ESRRG: variants seen among roughly 807,000 people sequenced by gnomAD.
The protein encoded by ESRRG is estrogen related receptor gamma, also known as estrogen-related receptor gamma.
Under a neutral mutation model 44.0 loss-of-function variants are expected in ESRRG, and 13 were observed. That is an observed-to-expected ratio of 0.30 (90% CI 0.19 to 0.47). The LOEUF is 0.47. Ranked by LOEUF, ESRRG falls within the 20% of genes least tolerant of loss-of-function variation. The pLI, the probability that ESRRG is intolerant of heterozygous loss-of-function variation, is 1.00. For missense variants in ESRRG, 395 were observed against 580.6 expected, an observed-to-expected ratio of 0.68 and a Z score of 3.29; for synonymous variants, 215 against 214.6, an observed-to-expected ratio of 1.00 and a Z score of -0.02.
At position 216,792,403 on chromosome 1, in the gene ESRRG, T is replaced by G. The variant is rs191940244; in HGVS notation, c.-13-114912A>C. Among the ~76,000 whole-genome samples, 209 of 152,296 alleles carry G rather than the reference T, an allele frequency of 1.4e-3. 2 individuals carry two copies. The highest frequency in any genetic ancestry group is 0.012 in the Admixed American group (184 of 15,278). On this transcript the variant is annotated intron_variant, in intron 2 of 7. Coordinates refer to the ESRRG transcript ENST00000359162. ...TCTCTATATATTTCCAGGGTTTTTT[T>G]TGCCAGGTTAAAGCAGGGGAAGGCC... is the stretch of plus-strand genomic sequence containing the variant.
intron 2 of ESRRG, among the ~76,000 whole-genome samples, chr1:216,921,900 T>C (rs1336044343): frequency 6.6e-6 from 1 of 152,200 alleles, no homozygotes; most frequent in Non-Finnish European, 1.5e-5. Context: ...TCAAATGGCA[T>C]GCTATCTATA....
intron 5 of ESRRG, among the ~76,000 whole-genome samples, chr1:216,555,869 G>T (rs79010817): frequency 6.6e-6 from 1 of 152,036 alleles, no homozygotes; most frequent in Non-Finnish European, 1.5e-5. Flanking sequence ...GGATAGACAC[G>T]CATTCATTTG....
At chr1:216,550,585 C>A (rs576236616) in intron 5 of ESRRG, among the ~76,000 whole-genome samples, 2 of 152,194 alleles carry the variant, frequency 1.3e-5, no homozygotes, top group African/African-American at 2.4e-5. Context: ...GGATAACAAG[C>A]CAAGTATGGA....
chr1:217,018,935 A>T (rs541068776), intron 1 of ESRRG, among the ~76,000 whole-genome samples: 1 of 152,302 alleles, frequency 6.6e-6, no homozygotes, highest in Non-Finnish European at 1.5e-5. Context: ...TCCCTGGTAC[A>T]GCAAACTGGC....
intron 1 of ESRRG, among the ~76,000 whole-genome samples, chr1:216,996,044 A>G (rs78780435): frequency 6.6e-6 from 1 of 152,166 alleles, no homozygotes; most frequent in Non-Finnish European, 1.5e-5. Context: ...CAAAAAAAAA[A>G]TTAAGGGCAG....
Position 217,026,908 on chromosome 1 carries a change from C to CAGAG in ESRRG, c.-106+62598_-106+62599insCTCT, listed in dbSNP as rs1254896528. On this transcript the variant is annotated intron_variant, in intron 1 of 7. Transcript: ENST00000359162. ...ACACATACACACACACACACACACA[C>CAGAG]ACACAGAGAGAGAGAGAGAGAGAGA... Among the ~76,000 whole-genome samples the CAGAG allele has an allele frequency of 8.7e-3, 790 of 90,626 alleles. 19 individuals carry two copies. The East Asian group carries it at 0.12, about 14-fold the overall frequency. The allele number at this position is 90,626 out of a possible 152,430, so 59.5% of individuals were successfully genotyped here. A position where few individuals can be genotyped will look rare whatever the true frequency, so the allele number is the denominator to read the frequency against.
intron 5 of ESRRG, among the ~76,000 whole-genome samples, chr1:216,559,854 T>A (rs2058372637): frequency 6.6e-6 from 1 of 152,168 alleles, no homozygotes; most frequent in Non-Finnish European, 1.5e-5. Context: ...TCAAGCAGTA[T>A]CTTTAGCAAT....
intron 2 of ESRRG, among the ~76,000 whole-genome samples, chr1:216,927,214 G>T (rs552213170): frequency 2.7e-4 from 41 of 152,168 alleles, no homozygotes; most frequent in Admixed American, 1.3e-4. Flanking sequence ...CTCTTCAAAG[G>T]CTCGATTTTT....
At chr1:217,081,239 T>G (rs2091745630) in intron 1 of ESRRG, among the ~76,000 whole-genome samples, 2 of 139,260 alleles carry the variant, frequency 1.4e-5, no homozygotes, top group Non-Finnish European at 1.5e-5. Flanking sequence ...TTTTTTTTTT[T>G]TTTTTGAGAC....
rs542727407 is a variant in ESRRG at position 217,125,457 on chromosome 1, A to T, written c.-230+12210T>A. 5.9e-5 allele frequency among the ~76,000 whole-genome samples: 9 copies of T among 152,354 alleles called. No individual in the cohort carries two copies. In the South Asian group the frequency reaches 1.5e-3, roughly 25 times the overall value. ...GTATTTGTCTACAAGAAAAATCTTCAGACAAAACACTTGTTGACATCTTCC... is the reference window on the plus strand; with the variant it reads ...GTATTTGTCTACAAGAAAAATCTTCTGACAAAACACTTGTTGACATCTTCC... On this transcript the variant is annotated intron_variant, in intron 1 of 8. Transcript: ENST00000366940.
chr1:216,965,916 G>A (rs1344969591), intron 1 of ESRRG, among the ~76,000 whole-genome samples: 1 of 152,150 alleles, frequency 6.6e-6, no homozygotes, highest in Non-Finnish European at 1.5e-5. Flanking sequence ...AAAGCTCAAT[G>A]TACTAACAAA....
chr1:216,762,124 T>A (rs2152346083), intron 2 of ESRRG, among the ~76,000 whole-genome samples: 1 of 152,256 alleles, frequency 6.6e-6, no homozygotes, highest in South Asian at 2.1e-4. Context: ...CTGTGTAAAT[T>A]GCCCAAGGCT....
At chr1:216,532,022 GA>G (rs1369839691) in intron 5 of ESRRG, among the ~76,000 whole-genome samples, 2 of 151,950 alleles carry the variant, frequency 1.3e-5, no homozygotes, top group Non-Finnish European at 2.9e-5. Context: ...ACCATATTTG[GA>G]AGTTGTCCTG....
intron 2 of ESRRG, among the ~76,000 whole-genome samples, chr1:216,883,779 A>G (rs2096482669): frequency 6.6e-6 from 1 of 152,196 alleles, no homozygotes; most frequent in Non-Finnish European, 1.5e-5. Context: ...CCAGGTAGTT[A>G]CTGTGAAGAA....
chr1:216,983,047 T>A (rs985450552), intron 1 of ESRRG, among the ~76,000 whole-genome samples: 1 of 151,762 alleles, frequency 6.6e-6, no homozygotes. Context: ...TTTTTTTTTT[T>A]TTTTTAACTG....
In ESRRG at chr1:216,836,720, C is replaced by T. The variant is rs79938739; in HGVS notation, c.-14+102862G>A. Among the ~76,000 whole-genome samples the T allele has an allele frequency of 2.7e-3, 410 of 152,192 alleles. 2 individuals carry two copies. The highest frequency in any genetic ancestry group is 9.1e-3 in the African/African-American group (378 of 41,530). On this transcript the variant is annotated intron_variant, in intron 2 of 7. Transcript: ENST00000359162. ...GCAGTGGCTCCACAATGAGTCGTGG[C>T]GGCAGAGTGAGCCCAGCATGCAAAC...
In ESRRG at chr1:216,788,402, A is replaced by G. The variant is rs117030953; in HGVS notation, c.-13-110911T>C. On this transcript the variant is annotated intron_variant, in intron 2 of 7. Coordinates refer to the ESRRG transcript ENST00000359162. ...CCTAAATCTACTCTTCCTATATTCT[A>G]TCAGTGCAACAACAAAGCCTGGATG... is the stretch of plus-strand genomic sequence containing the variant. Among the ~76,000 whole-genome samples, 115 of 152,250 alleles carry G rather than the reference A, an allele frequency of 7.6e-4. No homozygotes were observed. The East Asian group carries it at 0.017, about 23-fold the overall frequency.
intron 1 of ESRRG, among the ~76,000 whole-genome samples, chr1:216,948,685 A>C (rs2066481085): frequency 6.6e-6 from 1 of 152,148 alleles, no homozygotes; most frequent in Non-Finnish European, 1.5e-5. Context: ...TTTAACAATC[A>C]TAGCTCTGAG....
intron 2 of ESRRG, among the ~76,000 whole-genome samples, chr1:216,814,391 G>T (rs1342853277): frequency 6.6e-6 from 1 of 152,122 alleles, no homozygotes; most frequent in East Asian, 1.9e-4. Flanking sequence ...GGAATTGCTG[G>T]TCAAAATCAC....
Sources: gnomAD v4.1 joint callset for allele counts (sites outside exome capture counted in the v4.1 genomes callset) on GRCh38, gnomAD v4.1.1 for gene constraint, MANE v1.5 for transcripts, NCBI Gene and HGNC (gene_info 2026-07-23, HGNC 2026-07-21) for gene names.